Variants in GRIN2A observed in about 807,000 individuals in gnomAD.
GRIN2A encodes the protein glutamate receptor ionotropic, NMDA 2A.
In GRIN2A, 22 loss-of-function variants were observed where a neutral mutation model predicts 113.4. The observed-to-expected ratio is 0.19, with a 90% confidence interval of 0.14 to 0.28. The LOEUF (loss-of-function observed/expected upper bound fraction) is 0.28. GRIN2A is among the 10% of genes least tolerant of loss of function. GRIN2A has a pLI of 1.00. For synonymous variants in GRIN2A, 827 were observed against 738.4 expected (o/e 1.12, Z -1.94); for missense variants, 1,502 against 1,887.0 (o/e 0.80, Z 3.78).
At chr16:9,882,514 C>T (rs949969968) in intron 4 of GRIN2A, among the ~76,000 whole-genome samples, 12 of 152,116 alleles carry the variant, frequency 7.9e-5, no homozygotes, top group African/African-American at 1.7e-4. Context: ...GGGCCGGGTG[C>T]GGTGCCTCAT....
At chr16:10,142,373 CT>C (rs1170580706) in intron 2 of GRIN2A, among the ~76,000 whole-genome samples, 1 of 152,206 alleles carries the variant, frequency 6.6e-6, no homozygotes, top group East Asian at 1.9e-4. Context: ...AGAGCCCTGA[CT>C]TAACCTCAAC....
chr16:9,906,171 T>A (rs2044024310), intron 3 of GRIN2A, among the ~76,000 whole-genome samples: 1 of 152,168 alleles, frequency 6.6e-6, no homozygotes, highest in Non-Finnish European at 1.5e-5. Flanking sequence ...TTCCCACACC[T>A]CAGTTCTGAT....
At position 9,760,374 on chromosome 16, in the gene GRIN2A, A is replaced by ATTTTTTTTTTTT. The variant is rs35189803; in HGVS notation, c.*2763_*2774dup. ...AAATTGACCATCTGATCAGTAGTTG[A>ATTTTTTTTTTTT]TTTTTTTTTTTTTTTTTTTTTTTTG... is the stretch of plus-strand genomic sequence containing the variant. On this transcript the variant is annotated 3_prime_UTR_variant, in exon 13 of 13. Transcript: ENST00000330684. 42 of 94,046 alleles carry ATTTTTTTTTTTT rather than the reference A, an allele frequency of 4.5e-4. 2 individuals carry two copies. The highest frequency in any genetic ancestry group is 5.9e-4 in the South Asian group (1 of 1,700). 5.8% of individuals were successfully genotyped at this position (94,046 alleles called of 1,614,324 possible). A position where few individuals can be genotyped will look rare whatever the true frequency, so the allele number is the denominator to read the frequency against.
At chr16:9,956,149 A>T (rs1295907315) in intron 2 of GRIN2A, among the ~76,000 whole-genome samples, 2 of 152,174 alleles carry the variant, frequency 1.3e-5, no homozygotes, top group African/African-American at 4.8e-5. Context: ...CAACAAGTAG[A>T]CTTTCTTCAA....
chr16:10,042,859 C>T (rs946601510), intron 2 of GRIN2A, among the ~76,000 whole-genome samples: 5 of 152,152 alleles, frequency 3.3e-5, no homozygotes, highest in African/African-American at 1.2e-4. Context: ...ACTTCAGGAA[C>T]CCTTTTGGAA....
Position 9,829,399 on chromosome 16 carries a change from G to C in GRIN2A, c.2007+24C>G, listed in dbSNP as rs1245159762. ...AGCAGTTAAGACCAACCCTCAGATG[G>C]AGAGGAAAGCAAGGTGACCTTACCT... On this transcript the variant is annotated intron_variant, in intron 9 of 12. Coordinates refer to ENST00000330684, the MANE Select transcript of GRIN2A (RefSeq NM_001134407.3). The C allele has an allele frequency of 2.0e-6, 3 of 1,485,160 alleles. No individual in the cohort carries two copies. In the East Asian group the frequency reaches 6.8e-5, roughly 34 times the overall value. 92.0% of individuals were successfully genotyped at this position (1,485,160 alleles called of 1,614,324 possible). A position where few individuals can be genotyped will look rare whatever the true frequency, so the allele number is the denominator to read the frequency against.
intron 2 of GRIN2A, among the ~76,000 whole-genome samples, chr16:10,095,011 G>C (rs1441024176): frequency 6.6e-6 from 1 of 151,864 alleles, no homozygotes; most frequent in African/African-American, 2.4e-5. Context: ...GGTAACTAAG[G>C]TTAAATGAGG....
chr16:9,880,884 A>G (rs2043466741), intron 4 of GRIN2A, among the ~76,000 whole-genome samples: 1 of 152,196 alleles, frequency 6.6e-6, no homozygotes, highest in South Asian at 2.1e-4. Flanking sequence ...GGAGTTGCCA[A>G]AACATCTTTA....
chr16:9,959,171 AG>A (rs1429542027), intron 2 of GRIN2A, among the ~76,000 whole-genome samples: 6 of 152,236 alleles, frequency 3.9e-5, no homozygotes, highest in African/African-American at 1.4e-4. Context: ...TTTGGACCAG[AG>A]AAATAGGCTG....
In GRIN2A at chr16:9,832,742, T is replaced by C. The variant is rs371904196; in HGVS notation, c.1777+1363A>G. On this transcript the variant is annotated intron_variant, in intron 8 of 12. Transcript: ENST00000330684. ...AGAAACTGTCTCAGATTCCACCCTG[T>C]TGGAAATCTTCTTAGAGGTTAAATT... 9.2e-5 allele frequency among the ~76,000 whole-genome samples: 14 copies of C among 152,210 alleles called. No homozygotes were observed. In the East Asian group the frequency reaches 2.5e-3, roughly 27 times the overall value.
intron 2 of GRIN2A, among the ~76,000 whole-genome samples, chr16:10,136,275 T>A (rs762034272): frequency 6.6e-6 from 1 of 151,904 alleles, no homozygotes; most frequent in Non-Finnish European, 1.5e-5. Context: ...ACACGCAATA[T>A]CATCCCACCT....
intron 2 of GRIN2A, among the ~76,000 whole-genome samples, chr16:9,978,815 C>T (rs2045826865): frequency 6.6e-6 from 1 of 152,188 alleles, no homozygotes; most frequent in African/African-American, 2.4e-5. Flanking sequence ...TCTTAATGGA[C>T]CCTGATGACA....
intron 2 of GRIN2A, among the ~76,000 whole-genome samples, chr16:10,029,701 A>G (rs1177535596): frequency 1.3e-5 from 2 of 152,156 alleles, no homozygotes; most frequent in East Asian, 3.9e-4. Context: ...CAGCCAATTA[A>G]AGTAGAAACT....
At chr16:9,776,054 G>A (rs890515156) in intron 11 of GRIN2A, among the ~76,000 whole-genome samples, 21 of 152,164 alleles carry the variant, frequency 1.4e-4, no homozygotes, top group South Asian at 2.1e-4. Context: ...TGGGAGAAAC[G>A]CACTTACAAG....
Position 9,757,975 on chromosome 16 carries a change from A to T in GRIN2A, c.*5174T>A, listed in dbSNP as rs1167175592. The T allele has an allele frequency of 4.5e-6, 1 of 220,534 alleles. No homozygotes were observed. The highest frequency in any genetic ancestry group is 5.8e-5 in the Admixed American group (1 of 17,336). The allele number at this position is 220,534 out of a possible 1,614,324, so 13.7% of individuals were successfully genotyped here. ...AGTTTCCCCTTGAAAGAAACCTAGA[A>T]ATAAGTCAGCCCGGTCAGAGAATCG... On this transcript the variant is annotated 3_prime_UTR_variant, in exon 13 of 13. Coordinates refer to ENST00000330684, the MANE Select transcript of GRIN2A (RefSeq NM_001134407.3).
intron 2 of GRIN2A, among the ~76,000 whole-genome samples, chr16:10,032,377 C>T (rs914964237): frequency 2.6e-5 from 4 of 152,080 alleles, no homozygotes; most frequent in Admixed American, 2.0e-4. Flanking sequence ...GTGGGTCTAC[C>T]CACCTCTAAG....
intron 2 of GRIN2A, among the ~76,000 whole-genome samples, chr16:9,946,928 T>C (rs1567193541): frequency 6.6e-6 from 1 of 152,218 alleles, no homozygotes. Flanking sequence ...AGACAAATTC[T>C]CTTGTTGTCA....
intron 2 of GRIN2A, among the ~76,000 whole-genome samples, chr16:10,161,775 C>T (rs538826834): frequency 6.6e-6 from 1 of 152,306 alleles, no homozygotes; most frequent in Non-Finnish European, 1.5e-5. Flanking sequence ...ATCTCCTTGC[C>T]TTCTCCAGCT....
At chr16:10,130,804 G>C (rs1216607130) in intron 2 of GRIN2A, among the ~76,000 whole-genome samples, 1 of 152,186 alleles carries the variant, frequency 6.6e-6, no homozygotes, top group Non-Finnish European at 1.5e-5. Context: ...CCTGACTCAA[G>C]CAGGTCCCCA....
Sources: gnomAD v4.1 joint callset for allele counts (sites outside exome capture counted in the v4.1 genomes callset) on GRCh38, gnomAD v4.1.1 for gene constraint, MANE v1.5 for transcripts, NCBI Gene and HGNC (gene_info 2026-07-23, HGNC 2026-07-21) for gene names.